Variants in CEP55 observed in about 807,000 individuals in gnomAD.
CEP55 encodes the protein centrosomal protein of 55 kDa.
In CEP55, 57 loss-of-function variants were observed where a neutral mutation model predicts 63.2. That is an observed-to-expected ratio of 0.90 (90% CI 0.73 to 1.13). The LOEUF (loss-of-function observed/expected upper bound fraction) is 1.13, where lower values mean the gene tolerates loss of function less well. Among genes scored for constraint, CEP55 ranks in the 50% most tolerant of loss-of-function variants. The pLI, the probability that CEP55 is intolerant of heterozygous loss-of-function variation, is 0.00. For synonymous variants in CEP55, 178 were observed against 191.6 expected (o/e 0.93, Z 0.59); for missense variants, 456 against 518.9 (o/e 0.88, Z 1.18).
chr10:93,507,435 T>C (rs994413660), intron 4 of CEP55, among the ~76,000 whole-genome samples: 1 of 151,934 alleles, frequency 6.6e-6, no homozygotes, highest in African/African-American at 2.4e-5. Context: ...TTGGCCAGGC[T>C]GGTCTCAAAC....
At chr10:93,503,767 C>G (rs926748568) in intron 3 of CEP55, among the ~76,000 whole-genome samples, 10 of 152,060 alleles carry the variant, frequency 6.6e-5, no homozygotes, top group African/African-American at 2.2e-4. Flanking sequence ...ATCAAGTATA[C>G]TTTTCCTAAC....
intron 1 of CEP55, 55 bp from the exon 2 acceptor site, chr10:93,499,985 C>T (rs2057615402): frequency 1.6e-6 from 2 of 1,250,394 alleles, no homozygotes; most frequent in African/African-American, 3.0e-5. Context: ...CTGTTTCAAA[C>T]TTGAGATTTA....
In CEP55 at chr10:93,518,516, G is replaced by T. The variant is rs80031668; in HGVS notation, c.994-361G>T. On this transcript the variant is annotated intron_variant, in intron 6 of 8. Coordinates refer to ENST00000371485, the MANE Select transcript of CEP55 (RefSeq NM_018131.5). ...GGTATGAGCAGTGATACTAGGGAGAGATTAAGTCTGCTGATTAAATTTTGC... is the reference window on the plus strand; with the variant it reads ...GGTATGAGCAGTGATACTAGGGAGATATTAAGTCTGCTGATTAAATTTTGC... 3.3e-5 allele frequency among the ~76,000 whole-genome samples: 5 copies of T among 152,320 alleles called. No homozygotes were observed. The East Asian group carries it at 9.6e-4, about 29-fold the overall frequency.
chr10:93,519,855 T>C (rs1311506933), intron 8 of CEP55, 48 bp downstream of exon 8: 1 of 1,605,068 alleles, frequency 6.2e-7, no homozygotes, highest in Non-Finnish European at 8.5e-7. Context: ...CTTCCATTTA[T>C]ATACCAAATC....
At chr10:93,504,322 A>T (rs2057665737) in intron 3 of CEP55, among the ~76,000 whole-genome samples, 1 of 152,124 alleles carries the variant, frequency 6.6e-6, no homozygotes, top group South Asian at 2.1e-4. Context: ...AAAATACAAA[A>T]ATTAGCCGAG....
rs1467730349 is a variant in CEP55 at position 93,528,275 on chromosome 10, A to G, written c.*122A>G. The G allele has an allele frequency of 2.0e-5, 15 of 749,024 alleles. No individual in the cohort carries two copies. The highest frequency in any genetic ancestry group is 3.3e-4 in the Middle Eastern group (1 of 3,056). 46.4% of individuals were successfully genotyped at this position (749,024 alleles called of 1,614,324 possible). A position where few individuals can be genotyped will look rare whatever the true frequency, so the allele number is the denominator to read the frequency against. ...ACTGCCTATCTACCTTTGACACTCC[A>G]GCATGCTAGTGAATCATGTATCTTT... is the stretch of plus-strand genomic sequence containing the variant. On this transcript the variant is annotated 3_prime_UTR_variant, in exon 9 of 9. Transcript: ENST00000371485.
chr10:93,527,461 G>T lies in CEP55; in HGVS notation c.1192-489G>T, dbSNP rs1361090575. 2.0e-5 allele frequency among the ~76,000 whole-genome samples: 3 copies of T among 152,138 alleles called. No homozygotes were observed. In the East Asian group the frequency reaches 5.8e-4, roughly 29 times the overall value. Reference sequence around the variant, plus strand: ...TTTGGATAATTACAGTAGTTATCTGGATAAATTCACAACTACCTCATATAT... The same window carrying T: ...TTTGGATAATTACAGTAGTTATCTGTATAAATTCACAACTACCTCATATAT... On this transcript the variant is annotated intron_variant, in intron 8 of 8. Coordinates refer to ENST00000371485, the MANE Select transcript of CEP55 (RefSeq NM_018131.5).
intron 8 of CEP55, among the ~76,000 whole-genome samples, chr10:93,522,293 C>T (rs994139218): frequency 1.3e-5 from 2 of 152,288 alleles, no homozygotes; most frequent in Middle Eastern, 3.4e-3. Flanking sequence ...GACGAATGCA[C>T]AAGCCTCAGT....
chr10:93,517,354 C>A, intron 6 of CEP55, 106 bp downstream of exon 6: 1 of 810,860 alleles, frequency 1.2e-6, no homozygotes, highest in Non-Finnish European at 1.9e-6. Context: ...CAAATTCCTG[C>A]CCCTCATGGG....
Position 93,503,214 on chromosome 10 carries a change from T to C in CEP55, c.285T>C (p.Tyr95=). 1 of 1,613,960 alleles carries C rather than the reference T, an allele frequency of 6.2e-7. No individual in the cohort carries two copies. Residue 95 remains tyrosine, a synonymous_variant, in exon 3 of 9, where the codon TAT becomes TAC. Transcript: ENST00000371485. ...TGAGAGACCAACTGAAGGCCAGATATAGTACTACCACATTGCTTGAACAGC... is the reference window on the plus strand; with the variant it reads ...TGAGAGACCAACTGAAGGCCAGATACAGTACTACCACATTGCTTGAACAGC... ...QRLRDQLKAR[Y]STTTLLEQLE...
intron 8 of CEP55, among the ~76,000 whole-genome samples, chr10:93,523,640 T>G (rs2134499755): frequency 6.6e-6 from 1 of 152,336 alleles, no homozygotes; most frequent in African/African-American, 2.4e-5. Context: ...ATATACATTC[T>G]TCTCAGCACC....
chr10:93,519,975 AGGACATGAAAGAG>A, intron 8 of CEP55, 168 bp downstream of exon 8: 4 of 684,382 alleles, frequency 5.8e-6, no homozygotes, highest in Non-Finnish European at 1.0e-5. Context: ...ATCAATTCAG[AGGACATGAAAGAG>A]GGACATGATC....
intron 8 of CEP55, among the ~76,000 whole-genome samples, chr10:93,526,275 A>T (rs970238448): frequency 6.6e-6 from 1 of 152,266 alleles, no homozygotes; most frequent in African/African-American, 2.4e-5. Flanking sequence ...TGGGTGAAGG[A>T]TATGAATAGA....
intron 4 of CEP55, chr10:93,510,681 T>A (rs1251954457): frequency 6.6e-6 from 1 of 152,230 alleles, no homozygotes; most frequent in Non-Finnish European, 1.5e-5. Flanking sequence ...GGCCGTAGAC[T>A]TCAATGTGTA....
intron 8 of CEP55, among the ~76,000 whole-genome samples, chr10:93,521,406 C>T (rs1401417986): frequency 1.3e-5 from 2 of 152,138 alleles, no homozygotes; most frequent in Non-Finnish European, 2.9e-5. Context: ...GGAGGGGTGC[C>T]CGCCATTGCT....
Position 93,515,415 on chromosome 10 carries a change from A to G in CEP55, c.539A>G (p.Lys180Arg), listed in dbSNP as rs1362102761. The G allele has an allele frequency of 6.3e-7, 1 of 1,594,218 alleles. No individual in the cohort carries two copies. Among genetic ancestry groups the G allele is most frequent in the East Asian group, 2.3e-5 (1 of 44,422 alleles). The stretch of plus-strand genomic sequence containing the variant: ...CATCTTCCCATTAAGGCTCTGGAGA[A>G]AAATCAGCAGTGGCTCGTGTATGAT... The part of the protein sequence containing the change: ...MEIQLKDALE[K>R]NQQWLVYDQQ... Residue 180 changes from lysine (K) to arginine (R), a missense_variant, in exon 5 of 9, where the codon AAA becomes AGA. Transcript: ENST00000371485.
At chr10:93,503,824 T>G (rs1362018465) in intron 3 of CEP55, among the ~76,000 whole-genome samples, 1 of 152,222 alleles carries the variant, frequency 6.6e-6, no homozygotes, top group Non-Finnish European at 1.5e-5. Flanking sequence ...ACTAGCGTCA[T>G]AGAAAGAACA....
At chr10:93,517,791 A>G (rs1262186902) in intron 6 of CEP55, among the ~76,000 whole-genome samples, 1 of 152,232 alleles carries the variant, frequency 6.6e-6, no homozygotes, top group Non-Finnish European at 1.5e-5. Flanking sequence ...ATTGAACAGT[A>G]CTTTGATGGA....
chr10:93,507,597 C>T (rs956571289), intron 4 of CEP55, among the ~76,000 whole-genome samples: 8 of 152,100 alleles, frequency 5.3e-5, no homozygotes, highest in Admixed American at 2.0e-4. Context: ...CCTTTTCTAT[C>T]TAAATCTAAT....
Sources: allele counts gnomAD v4.1 joint callset (sites outside exome capture counted in the v4.1 genomes callset), GRCh38; gene constraint gnomAD v4.1.1; transcripts MANE v1.5; gene names NCBI Gene and HGNC (gene_info 2026-07-23, HGNC 2026-07-21).